OTOG: variants seen among roughly 807,000 people sequenced by gnomAD.
OTOG encodes otogelin.
In OTOG, 296 loss-of-function variants were observed where a neutral mutation model predicts 313.8. The observed-to-expected ratio is 0.94, with a 90% confidence interval of 0.86 to 1.04. The LOEUF is 1.04. Among genes scored for constraint, OTOG ranks in the 50% least tolerant of loss-of-function variants. The probability of loss-of-function intolerance (pLI) is 0.00; values close to 1 mark genes in which losing one functional copy is unlikely to be tolerated. For synonymous variants in OTOG, 1,533 were observed against 1,554.9 expected (o/e 0.99, Z 0.33); for missense variants, 3,948 against 3,840.1 (o/e 1.03, Z -0.74).
chr11:17,601,016 C>T (rs1301296534), intron 31 of OTOG, among the ~76,000 whole-genome samples: 2 of 152,232 alleles, frequency 1.3e-5, no homozygotes, highest in Non-Finnish European at 2.9e-5. Flanking sequence ...TCTAACTCCA[C>T]ATTCAGTTGG....
intron 32 of OTOG, among the ~76,000 whole-genome samples, chr11:17,604,997 G>C (rs1225318497): frequency 6.6e-6 from 1 of 152,260 alleles, no homozygotes; most frequent in Non-Finnish European, 1.5e-5. Flanking sequence ...GGAAGGGGCT[G>C]AAGATGCACC....
In OTOG at chr11:17,611,312, C is replaced by T. The variant is rs61734252; in HGVS notation, c.6012C>T (p.Asp2004=). ...AGPHLAAEPV[D]EATTEPSGRS... Reference sequence around the variant, plus strand: ...CTCACCTGGCAGCAGAGCCGGTGGACGAGGCCACCACAGAACCATCTGGGC... The same window carrying T: ...CTCACCTGGCAGCAGAGCCGGTGGATGAGGCCACCACAGAACCATCTGGGC... Residue 2004 remains aspartate (D), a synonymous_variant, in exon 36 of 56, where the codon GAC becomes GAT. Transcript: ENST00000399397. The T allele has an allele frequency of 1.8e-4, 284 of 1,550,554 alleles. No homozygotes were observed. In the African/African-American group the frequency reaches 3.3e-3, roughly 18 times the overall value.
intron 54 of OTOG, among the ~76,000 whole-genome samples, chr11:17,644,750 G>A (rs1848040535): frequency 7.9e-6 from 1 of 126,150 alleles, no homozygotes; most frequent in South Asian, 2.6e-4. Flanking sequence ...GCAAAAGAAG[G>A]CCATAAAGCT....
chr11:17,560,969 G>A (rs527305862), intron 13 of OTOG, 122 bp from the exon 14 acceptor site: 53 of 1,275,470 alleles, frequency 4.2e-5, no homozygotes, highest in Non-Finnish European at 5.4e-5. Flanking sequence ...CAATCCATGG[G>A]GGAAATCTCT....
intron 10 of OTOG, 117 bp from the exon 11 acceptor site, chr11:17,558,935 T>G: frequency 1.1e-6 from 1 of 878,162 alleles, no homozygotes; most frequent in Non-Finnish European, 1.8e-6. Flanking sequence ...TGGGCAGCCT[T>G]TCCCAGCTGG....
intron 33 of OTOG, among the ~76,000 whole-genome samples, chr11:17,607,118 C>G (rs527245222): frequency 1.3e-5 from 2 of 152,226 alleles, no homozygotes; most frequent in African/African-American, 4.8e-5. Context: ...ATATTTGTCT[C>G]GGAAGTGTGC....
In OTOG at chr11:17,609,674, G is replaced by T. The variant is rs1369357568; in HGVS notation, c.4374G>T (p.Trp1458Cys). Residue 1458 changes from tryptophan to cysteine, a missense_variant, in exon 36 of 56, where the codon TGG becomes TGT. Trp to Cys is a radical substitution (Grantham distance 215). Transcript: ENST00000399397. ...CCGCAGGTGTGGAGCCAGCAGTTTGGGTTCCCACAGAGGCCCTTGGCAATG... is the reference window on the plus strand; with the variant it reads ...CCGCAGGTGTGGAGCCAGCAGTTTGTGTTCCCACAGAGGCCCTTGGCAATG... Reference protein sequence around the residue: ...YLEDCVEPAVWVPTEALGNET... With the variant: ...YLEDCVEPAVCVPTEALGNET... 5.4e-6 allele frequency: 8 copies of T among 1,495,072 alleles called. No individual in the cohort carries two copies. The African/African-American group carries it at 1.1e-4, about 21-fold the overall frequency. 92.6% of individuals were successfully genotyped at this position (1,495,072 alleles called of 1,614,324 possible).
intron 10 of OTOG, among the ~76,000 whole-genome samples, 188 bp downstream of exon 10, chr11:17,558,832 G>T (rs555923471): frequency 6.6e-6 from 1 of 152,228 alleles, no homozygotes; most frequent in African/African-American, 2.4e-5. Flanking sequence ...GCCGGACCCC[G>T]TTAGGGTCAC....
chr11:17,561,555 C>G, intron 14 of OTOG, 107 bp from the exon 15 acceptor site: 1 of 1,218,368 alleles, frequency 8.2e-7, no homozygotes, highest in Non-Finnish European at 1.2e-6. Flanking sequence ...TTATACTGCT[C>G]TTATTCTGGA....
chr11:17,561,820 G>C lies in OTOG; in HGVS notation c.1644+13G>C. On this transcript the variant is annotated intron_variant, in intron 15 of 55. Transcript: ENST00000399397. Reference sequence around the variant, plus strand: ...CCCATGTGGCCTGGTAAGAGCTGGGGATCCCCAGGCCCGATCCACCCAGCT... The same window carrying C: ...CCCATGTGGCCTGGTAAGAGCTGGGCATCCCCAGGCCCGATCCACCCAGCT... The C allele has an allele frequency of 6.5e-7, 1 of 1,549,970 alleles. No homozygotes were observed. Among genetic ancestry groups the C allele is most frequent in the Non-Finnish European group, 8.7e-7 (1 of 1,146,856 alleles).
At chr11:17,607,603 G>T (rs1167254905) in intron 33 of OTOG, among the ~76,000 whole-genome samples, 1 of 152,210 alleles carries the variant, frequency 6.6e-6, no homozygotes, top group Non-Finnish European at 1.5e-5. Flanking sequence ...TTTGGGTAGC[G>T]CCCAGTGCTG....
chr11:17,571,966 G>T, intron 17 of OTOG, 114 bp from the exon 18 acceptor site: 1 of 1,392,642 alleles, frequency 7.2e-7, no homozygotes, highest in Non-Finnish European at 9.8e-7. Flanking sequence ...TGGATGTGTA[G>T]ATTATGACTA....
intron 23 of OTOG, 91 bp downstream of exon 23, chr11:17,578,617 T>C: frequency 7.0e-7 from 1 of 1,421,310 alleles, no homozygotes; most frequent in Non-Finnish European, 9.2e-7. Context: ...AAACATCACA[T>C]GGCCTTGTAG....
At chr11:17,635,515 TG>T in intron 46 of OTOG, 94 bp from the exon 47 acceptor site, 1 of 913,996 alleles carries the variant, frequency 1.1e-6, no homozygotes, top group Non-Finnish European at 1.7e-6. Flanking sequence ...CTGCCACACC[TG>T]GGTTGTTGAG....
chr11:17,635,625 C>T lies in OTOG; in HGVS notation c.7709C>T (p.Pro2570Leu). The T allele has an allele frequency of 6.4e-7, 1 of 1,550,488 alleles. No homozygotes were observed. Among genetic ancestry groups the T allele is most frequent in the Non-Finnish European group, 8.7e-7 (1 of 1,146,920 alleles). ...TSYFCACGDC[P>L]DSIPECQEGE... is the part of the protein sequence containing the mutation. The stretch of plus-strand genomic sequence containing the variant: ...TCCCCCTCAGCCTGTGGTGACTGTC[C>T]AGACTCCATCCCCGAATGTCAAGAA... Residue 2570 changes from proline (P) to leucine (L), a missense_variant, in exon 47 of 56, where the codon CCA becomes CTA. Pro to Leu is a moderately conservative substitution (Grantham distance 98). Transcript: ENST00000399397.
chr11:17,645,666 T>C (rs1392148180), intron 55 of OTOG, 23 bp downstream of exon 55: 8 of 1,550,432 alleles, frequency 5.2e-6, no homozygotes, highest in Non-Finnish European at 6.1e-6. Context: ...CACAAGGCAG[T>C]GGGGCAGCAA....
chr11:17,620,674 G>C (rs985077711), intron 39 of OTOG, among the ~76,000 whole-genome samples: 2 of 151,798 alleles, frequency 1.3e-5, no homozygotes, highest in African/African-American at 4.8e-5. Context: ...TTCTATAGTT[G>C]TTTTTAAGCA....
chr11:17,639,994 C>T (rs1005215765), intron 49 of OTOG, among the ~76,000 whole-genome samples: 2 of 141,974 alleles, frequency 1.4e-5, no homozygotes, highest in Admixed American at 7.0e-5. Flanking sequence ...AATGCAGTGA[C>T]GATGGTGATG....
At chr11:17,616,314 C>T (rs2134104037) in intron 39 of OTOG, among the ~76,000 whole-genome samples, 1 of 152,304 alleles carries the variant, frequency 6.6e-6, no homozygotes, top group East Asian at 1.9e-4. Context: ...GCCTCAGCCT[C>T]CCAAAGTGCT....
Sources: gnomAD v4.1 joint callset for allele counts (sites outside exome capture counted in the v4.1 genomes callset) on GRCh38, gnomAD v4.1.1 for gene constraint, MANE v1.5 for transcripts, NCBI Gene and HGNC (gene_info 2026-07-23, HGNC 2026-07-21) for gene names.